MAP4K5: variants seen among roughly 807,000 people sequenced by gnomAD.
The protein encoded by MAP4K5 is mitogen-activated protein kinase kinase kinase kinase 5, also known as MAPK/ERK kinase kinase kinase 5.
In MAP4K5, 82 loss-of-function variants were observed where a neutral mutation model predicts 135.6. That is an observed-to-expected ratio of 0.60 (90% CI 0.51 to 0.73). MAP4K5 has a LOEUF of 0.73. Ranked by LOEUF, MAP4K5 falls within the 30% of genes least tolerant of loss-of-function variation. The probability of loss-of-function intolerance (pLI) is 0.00; values close to 1 mark genes in which losing one functional copy is unlikely to be tolerated. For synonymous variants in MAP4K5, 347 were observed against 335.0 expected, an observed-to-expected ratio of 1.04 and a Z score of -0.39; for missense variants, 907 against 1,010.9, an observed-to-expected ratio of 0.90 and a Z score of 1.39.
intron 2 of MAP4K5, among the ~76,000 whole-genome samples, chr14:50,509,721 G>A (rs539654021): frequency 2.7e-5 from 4 of 149,634 alleles, no homozygotes; most frequent in South Asian, 4.2e-4. Context: ...ACTCACTTAC[G>A]TCATAATCTA....
intron 27 of MAP4K5, 134 bp from the exon 28 acceptor site, chr14:50,434,705 A>G: frequency 3.7e-6 from 3 of 817,520 alleles, no homozygotes; most frequent in Non-Finnish European, 3.8e-6. Flanking sequence ...CTCTAAGATG[A>G]TAAGAAGGAT....
At chr14:50,473,716 C>CTTTTTTTTTTTTTT (rs398077753) in intron 9 of MAP4K5, among the ~76,000 whole-genome samples, 2 of 95,502 alleles carry the variant, frequency 2.1e-5, no homozygotes, top group Admixed American at 1.3e-4. Context: ...TTTGGTTTCA[C>CTTTTTTTTTTTTTT]TTTTTTTTTT....
intron 2 of MAP4K5, among the ~76,000 whole-genome samples, chr14:50,526,393 G>A (rs952453402): frequency 4.6e-5 from 7 of 152,092 alleles, no homozygotes; most frequent in Non-Finnish European, 8.8e-5. Context: ...TCCGACCCCC[G>A]GGTTCAACCA....
intron 5 of MAP4K5, 127 bp from the exon 6 acceptor site, chr14:50,482,543 C>G: frequency 3.4e-6 from 2 of 588,218 alleles, no homozygotes; most frequent in Admixed American, 4.0e-5. Flanking sequence ...CTTTGGGAGG[C>G]CAAGGCAGGC....
chr14:50,496,181 T>G (rs1313059626), intron 3 of MAP4K5, among the ~76,000 whole-genome samples: 1 of 151,122 alleles, frequency 6.6e-6, no homozygotes, highest in Admixed American at 6.6e-5. Flanking sequence ...AAAAAATTAG[T>G]CGGGTGTCGT....
At chr14:50,528,345 G>A (rs573477481) in intron 2 of MAP4K5, among the ~76,000 whole-genome samples, 73 of 142,024 alleles carry the variant, frequency 5.1e-4, no homozygotes, top group African/African-American at 1.7e-3. Context: ...AGTAAATTAC[G>A]AAGAATCTCA....
intron 2 of MAP4K5, among the ~76,000 whole-genome samples, chr14:50,519,570 C>T (rs1595541372): frequency 6.6e-6 from 1 of 152,098 alleles, no homozygotes; most frequent in Admixed American, 6.5e-5. Flanking sequence ...AGGAGAATTG[C>T]TTGAACCTGG....
At chr14:50,504,085 G>A (rs1359259026) in intron 3 of MAP4K5, among the ~76,000 whole-genome samples, 3 of 151,972 alleles carry the variant, frequency 2.0e-5, no homozygotes, top group East Asian at 1.9e-4. Flanking sequence ...TCTCTCTAAT[G>A]AATCACATGT....
chr14:50,445,289 A>G (rs2036320481), intron 17 of MAP4K5, 95 bp from the exon 18 acceptor site: 2 of 1,151,294 alleles, frequency 1.7e-6, no homozygotes, highest in Non-Finnish European at 2.4e-6. Flanking sequence ...ATTCTTCTAT[A>G]CAGTTCAATT....
intron 26 of MAP4K5, 56 bp from the exon 27 acceptor site, chr14:50,435,121 T>C: frequency 2.4e-6 from 2 of 839,312 alleles, no homozygotes; most frequent in Non-Finnish European, 3.9e-6. Context: ...CTGAATACTT[T>C]CATTGTATCT....
chr14:50,419,323 A>T lies in MAP4K5; in HGVS notation c.*696T>A, dbSNP rs149522156. 1 of 152,360 alleles carries T rather than the reference A, an allele frequency of 6.6e-6. No individual in the cohort carries two copies. The highest frequency in any genetic ancestry group is 2.4e-5 in the African/African-American group (1 of 41,578). The allele number at this position is 152,360 out of a possible 1,614,324, so 9.4% of individuals were successfully genotyped here. Reference sequence around the variant, plus strand: ...CTTACAACTATCTGTAGTTGAAAACATAAGACTCCCTTTTAAGGTAATTCT... The same window carrying T: ...CTTACAACTATCTGTAGTTGAAAACTTAAGACTCCCTTTTAAGGTAATTCT... On this transcript the variant is annotated 3_prime_UTR_variant, in exon 33 of 33. Transcript: ENST00000682126.
chr14:50,473,189 T>A (rs1469335753), intron 9 of MAP4K5, among the ~76,000 whole-genome samples: 1 of 152,200 alleles, frequency 6.6e-6, no homozygotes, highest in Non-Finnish European at 1.5e-5. Context: ...TTTTAATTGG[T>A]CTGTGATGAA....
chr14:50,455,603 T>C (rs2036581170), intron 14 of MAP4K5, among the ~76,000 whole-genome samples: 1 of 152,064 alleles, frequency 6.6e-6, no homozygotes, highest in African/African-American at 2.4e-5. Context: ...TCTAACTCTC[T>C]AGTGACTAAG....
chr14:50,436,491 A>G lies in MAP4K5; in HGVS notation c.1882+985T>C, dbSNP rs181466294. The stretch of plus-strand genomic sequence containing the variant: ...TTGGGTGGGGGCTTTGGGTCATGTA[A>G]CATCAGATGACCTTTAGTGGGGCTG... On this transcript the variant is annotated intron_variant, in intron 26 of 32. Transcript: ENST00000682126. Among the ~76,000 whole-genome samples the G allele has an allele frequency of 8.0e-4, 122 of 152,046 alleles. 2 individuals carry two copies. Among genetic ancestry groups the G allele is most frequent in the East Asian group, 1.4e-3 (7 of 5,174 alleles).
intron 3 of MAP4K5, among the ~76,000 whole-genome samples, chr14:50,502,382 C>T (rs2037724658): frequency 1.3e-5 from 2 of 151,978 alleles, no homozygotes; most frequent in Admixed American, 1.3e-4. Flanking sequence ...CTGCCAGAGA[C>T]AAAATATAAC....
rs938438710 is a variant in MAP4K5 at position 50,475,074 on chromosome 14, T to C, written c.542+3A>G. 2 of 1,611,400 alleles carry C rather than the reference T, an allele frequency of 1.2e-6. No individual in the cohort carries two copies. Among genetic ancestry groups the C allele is most frequent in the Non-Finnish European group, 1.7e-6 (2 of 1,177,568 alleles). On this transcript the variant is annotated splice_donor_region_variant and intron_variant, in intron 9 of 32. Coordinates refer to ENST00000682126, the MANE Select transcript of MAP4K5 (RefSeq NM_006575.6). Reference sequence around the variant, plus strand: ...ATCAAATTCAATCACAGTAATGTCTTACCAGTAAGGGGTGCCAATGAAAGA... The same window carrying C: ...ATCAAATTCAATCACAGTAATGTCTCACCAGTAAGGGGTGCCAATGAAAGA...
chr14:50,429,106 T>C, intron 29 of MAP4K5, 86 bp downstream of exon 29: 1 of 802,950 alleles, frequency 1.2e-6, no homozygotes, highest in Non-Finnish European at 1.9e-6. Context: ...GTAAAAACAG[T>C]AAAAATCTTG....
In MAP4K5 at chr14:50,442,558, T is replaced by G. The variant is rs562239080; in HGVS notation, c.1564+174A>C. Among the ~76,000 whole-genome samples, 4 of 152,212 alleles carry G rather than the reference T, an allele frequency of 2.6e-5. No individual in the cohort carries two copies. The East Asian group carries it at 5.8e-4, about 22-fold the overall frequency. ...GAATAGCTCCTATACACTCCTAAATTTTAACGCCTTTAAACCAAAACCCTA... is the reference window on the plus strand; with the variant it reads ...GAATAGCTCCTATACACTCCTAAATGTTAACGCCTTTAAACCAAAACCCTA... On this transcript the variant is annotated intron_variant, in intron 21 of 32. Coordinates refer to ENST00000682126, the MANE Select transcript of MAP4K5 (RefSeq NM_006575.6).
intron 3 of MAP4K5, among the ~76,000 whole-genome samples, chr14:50,499,293 A>AG: frequency 6.6e-6 from 1 of 152,318 alleles, no homozygotes; most frequent in Non-Finnish European, 1.5e-5. Context: ...GGTAGAGTTA[A>AG]GGGGGGAAAG....
Sources: allele counts gnomAD v4.1 joint callset (sites outside exome capture counted in the v4.1 genomes callset), GRCh38; gene constraint gnomAD v4.1.1; transcripts MANE v1.5; gene names NCBI Gene and HGNC (gene_info 2026-07-23, HGNC 2026-07-21).